Variants in PFKFB4 observed in about 807,000 individuals in gnomAD.
PFKFB4 encodes 6-phosphofructo-2-kinase/fructose-2,6-bisphosphatase 4.
In PFKFB4, 42 loss-of-function variants were observed where a neutral mutation model predicts 62.8. That is an observed-to-expected ratio of 0.67 (90% CI 0.52 to 0.86). The LOEUF (loss-of-function observed/expected upper bound fraction) is 0.86, where lower values mean the gene tolerates loss of function less well. Among genes scored for constraint, PFKFB4 ranks in the 40% least tolerant of loss-of-function variants. The pLI, the probability that PFKFB4 is intolerant of heterozygous loss-of-function variation, is 0.00. For missense variants in PFKFB4, 475 were observed against 627.2 expected (o/e 0.76, Z 2.59); for synonymous variants, 204 against 240.7 (o/e 0.85, Z 1.41).
chr3:48,561,341 C>T (rs1386727015), upstream of PFKFB4, among the ~76,000 whole-genome samples: 2 of 152,266 alleles, frequency 1.3e-5, no homozygotes, highest in African/African-American at 2.4e-5. The surrounding 1 kb of genome is among the most constrained non-coding windows in gnomAD (Gnocchi z 5.2). Flanking sequence ...CTCCCTCTCC[C>T]GCCAGAGCTG....
At chr3:48,542,582 G>C (rs1373639788) in intron 4 of PFKFB4, among the ~76,000 whole-genome samples, 1 of 151,896 alleles carries the variant, frequency 6.6e-6, no homozygotes, top group Non-Finnish European at 1.5e-5. Flanking sequence ...GTATGGTGGA[G>C]AGAAGACCCA....
At chr3:48,552,199 T>C (rs2043176482) in intron 1 of PFKFB4, among the ~76,000 whole-genome samples, 1 of 152,236 alleles carries the variant, frequency 6.6e-6, no homozygotes, top group South Asian at 2.1e-4. Flanking sequence ...AGCCTAGTGC[T>C]ATCCAAGAGC....
At chr3:48,536,141 G>T in intron 8 of PFKFB4, 115 bp downstream of exon 8, 2 of 850,164 alleles carry the variant, frequency 2.4e-6, no homozygotes, top group Non-Finnish European at 3.7e-6. Context: ...CATTCACCTC[G>T]ACTGCACATT....
intron 12 of PFKFB4, 75 bp downstream of exon 12, chr3:48,523,462 C>T (rs771150716): frequency 1.6e-5 from 22 of 1,378,594 alleles, no homozygotes; most frequent in Non-Finnish European, 2.0e-5. Context: ...TCAAGGAATT[C>T]GGAGAAAATC....
intron 10 of PFKFB4, 115 bp downstream of exon 10, chr3:48,525,450 C>T: frequency 3.6e-6 from 2 of 560,372 alleles, no homozygotes; most frequent in East Asian, 6.4e-5. Context: ...GCCTCTGAGA[C>T]CAGGCCCCTT....
chr3:48,541,953 G>T (rs1040728363), intron 4 of PFKFB4, among the ~76,000 whole-genome samples: 8 of 152,046 alleles, frequency 5.3e-5, no homozygotes, highest in Non-Finnish European at 1.2e-4. Flanking sequence ...AACAGAGCAG[G>T]ACCATGTCTC....
At chr3:48,543,478 C>T (rs2042858876) in intron 4 of PFKFB4, 102 bp downstream of exon 4, 1 of 1,105,510 alleles carries the variant, frequency 9.0e-7, no homozygotes, top group Non-Finnish European at 1.3e-6. Flanking sequence ...AGCTGGGGCA[C>T]ACACACCCTG....
Position 48,524,528 on chromosome 3 carries a change from GTTC to G in PFKFB4, c.1093-701_1093-699del, listed in dbSNP as rs1441423158. Among the ~76,000 whole-genome samples the G allele has an allele frequency of 3.3e-5, 5 of 152,210 alleles. No homozygotes were observed. In the South Asian group the frequency reaches 6.2e-4, roughly 19 times the overall value. On this transcript the variant is annotated intron_variant, in intron 10 of 13. Transcript: ENST00000232375. ...GTAGTTCTGAGAAAATCCTAGACCG[GTTC>G]TTTTGGTAACATGAATTTCTCAACC...
chr3:48,556,601 C>A lies in PFKFB4; in HGVS notation c.97+80G>T. On this transcript the variant is annotated intron_variant, in intron 1 of 13. Transcript: ENST00000232375. The surrounding 1 kb of genome is among the most constrained non-coding windows in gnomAD (Gnocchi z 5.7). ...CCCCATCTGTCTCCCGCCCCTTCTCCATGCGAGACCCCCGCCCAGGCCGCC... is the reference window on the plus strand; with the variant it reads ...CCCCATCTGTCTCCCGCCCCTTCTCAATGCGAGACCCCCGCCCAGGCCGCC... 2 of 1,458,802 alleles carry A rather than the reference C, an allele frequency of 1.4e-6. No individual in the cohort carries two copies. Among genetic ancestry groups the A allele is most frequent in the Non-Finnish European group, 1.9e-6 (2 of 1,080,448 alleles). The allele number at this position is 1,458,802 out of a possible 1,614,324, so 90.4% of individuals were successfully genotyped here. A position where few individuals can be genotyped will look rare whatever the true frequency, so the allele number is the denominator to read the frequency against.
chr3:48,560,244 A>C (rs1230217258), upstream of PFKFB4, among the ~76,000 whole-genome samples: 1 of 152,228 alleles, frequency 6.6e-6, no homozygotes, highest in Non-Finnish European at 1.5e-5. Flanking sequence ...GTGCAGAGAC[A>C]GGCAGGCTGC....
Position 48,539,517 on chromosome 3 carries a change from G to A in PFKFB4, c.453+180C>T, listed in dbSNP as rs112504650. The A allele has an allele frequency of 7.3e-5, 51 of 698,110 alleles. 1 individual carries two copies. In the East Asian group the frequency reaches 1.2e-3, roughly 16 times the overall value. The allele number at this position is 698,110 out of a possible 1,614,324, so 43.2% of individuals were successfully genotyped here. ...GCTGCCCTCTCCTAGACTCTCCCAC[G>A]AAAACCCCCTTCCCTCTGGAAAGCA... On this transcript the variant is annotated intron_variant, in intron 5 of 13. Coordinates refer to ENST00000232375, the MANE Select transcript of PFKFB4 (RefSeq NM_004567.4).
At chr3:48,522,267 G>C (rs2042120995) in intron 12 of PFKFB4, among the ~76,000 whole-genome samples, 1 of 152,174 alleles carries the variant, frequency 6.6e-6, no homozygotes, top group South Asian at 2.1e-4. Context: ...GGCCCAGACA[G>C]GGCCACACAG....
At chr3:48,537,455 C>G (rs533116312) in intron 7 of PFKFB4, among the ~76,000 whole-genome samples, 1 of 150,742 alleles carries the variant, frequency 6.6e-6, no homozygotes, top group South Asian at 2.1e-4. Context: ...GGACCCTGCT[C>G]TATGCACACC....
At chr3:48,548,898 A>C (rs1006711738) in intron 3 of PFKFB4, among the ~76,000 whole-genome samples, 1 of 152,138 alleles carries the variant, frequency 6.6e-6, no homozygotes, top group Non-Finnish European at 1.5e-5. Flanking sequence ...TCCAAGCCCC[A>C]CAGCAGGGAG....
intron 13 of PFKFB4, among the ~76,000 whole-genome samples, chr3:48,520,347 C>T (rs1307212083): frequency 1.3e-5 from 2 of 152,302 alleles, no homozygotes; most frequent in Middle Eastern, 3.4e-3. Context: ...CTGCAGAGCT[C>T]AGTCCCATCC....
At chr3:48,533,747 T>C (rs1027647607) in intron 9 of PFKFB4, among the ~76,000 whole-genome samples, 11 of 152,036 alleles carry the variant, frequency 7.2e-5, no homozygotes, top group African/African-American at 2.7e-4. Context: ...CCAGCTACTC[T>C]GGAGGCTGAG....
chr3:48,524,224 C>T (rs1045164048), intron 10 of PFKFB4, among the ~76,000 whole-genome samples: 2 of 152,232 alleles, frequency 1.3e-5, no homozygotes, highest in Admixed American at 6.5e-5. Flanking sequence ...AGAGCAAAGA[C>T]CTGGAACTTT....
intron 1 of PFKFB4, among the ~76,000 whole-genome samples, chr3:48,553,052 G>A (rs1459817881): frequency 6.6e-6 from 1 of 152,192 alleles, no homozygotes; most frequent in South Asian, 2.1e-4. Flanking sequence ...GCCAACTGAG[G>A]CACAACAAGG....
Position 48,519,044 on chromosome 3 carries a change from T to G in PFKFB4, c.*703A>C, listed in dbSNP as rs2042004484. ...CTAAGTAGCCGGGTACATGCACAAC[T>G]GGGGAGGGGCGACCACAACTGCCCC... On this transcript the variant is annotated 3_prime_UTR_variant, in exon 14 of 14. Coordinates refer to ENST00000232375, the MANE Select transcript of PFKFB4 (RefSeq NM_004567.4). 6.6e-6 allele frequency: 1 copy of G among 152,176 alleles called. No individual in the cohort carries two copies. Among genetic ancestry groups the G allele is most frequent in the African/African-American group, 2.4e-5 (1 of 41,442 alleles). 9.4% of individuals were successfully genotyped at this position (152,176 alleles called of 1,614,324 possible).
Sources: gnomAD v4.1 joint callset for allele counts (sites outside exome capture counted in the v4.1 genomes callset) on GRCh38, gnomAD v4.1.1 for gene constraint, Gnocchi (gnomAD v3.1) non-coding constraint, MANE v1.5 for transcripts, NCBI Gene and HGNC (gene_info 2026-07-23, HGNC 2026-07-21) for gene names.